POMP: variants seen among roughly 807,000 people sequenced by gnomAD.
The protein encoded by POMP is 2510048O06Rik.
In POMP, 12 loss-of-function variants were observed where a neutral mutation model predicts 20.6. That is an observed-to-expected ratio of 0.58 (90% CI 0.37 to 0.94). The LOEUF is 0.94. POMP is among the 40% of genes least tolerant of loss of function. POMP has a pLI of 0.01. For synonymous variants in POMP, 53 were observed against 55.0 expected, an observed-to-expected ratio of 0.96 and a Z score of 0.16; for missense variants, 136 against 161.1, an observed-to-expected ratio of 0.84 and a Z score of 0.84.
chr13:28,659,844 T>A (rs1884303099), intron 1 of POMP: 2 of 152,666 alleles, frequency 1.3e-5, no homozygotes, highest in Admixed American at 1.3e-4. Flanking sequence ...AGAAGAACAC[T>A]GAGTCACCAT....
At chr13:28,664,601 TTCTA>T in intron 3 of POMP, 32 bp downstream of exon 3, 10 of 1,223,090 alleles carry the variant, frequency 8.2e-6, no homozygotes, top group Non-Finnish European at 1.1e-5. Flanking sequence ...TATTTTTATC[TTCTA>T]ATAGATAAAT....
rs781185122 is a variant in POMP at position 28,668,537 on chromosome 13, C to T, written c.227C>T (p.Pro76Leu). The T allele has an allele frequency of 2.2e-5, 35 of 1,612,588 alleles. No homozygotes were observed. Among genetic ancestry groups the T allele is most frequent in the Non-Finnish European group, 2.5e-5 (29 of 1,178,842 alleles). ...AGAAACATTCAGGGTCTATTTGCTC[C>T]GCTAAAATTACAGATGGAATTCAAG... ...TLRNIQGLFAPLKLQMEFKAV... is the reference protein window; with the variant it reads ...TLRNIQGLFALLKLQMEFKAV... The change falls in exon 4 of 6, where the codon CCG (proline) becomes CTG (leucine). Residue 76 changes from proline (P) to leucine (L), a missense_variant. Coordinates refer to ENST00000380842, the MANE Select transcript of POMP (RefSeq NM_015932.6).
At chr13:28,661,135 A>G (rs976605848) in intron 1 of POMP, among the ~76,000 whole-genome samples, 44 of 152,290 alleles carry the variant, frequency 2.9e-4, no homozygotes, top group African/African-American at 1.0e-3. Context: ...GCAGAATCAC[A>G]GGGATATTGG....
At chr13:28,677,300 G>C (rs1566111600) in intron 5 of POMP, among the ~76,000 whole-genome samples, 1 of 151,748 alleles carries the variant, frequency 6.6e-6, no homozygotes, top group African/African-American at 2.4e-5. Flanking sequence ...CATCCACATT[G>C]TACTGAACTG....
Position 28,659,160 on chromosome 13 carries a change from G to A in POMP, c.-25G>A, listed in dbSNP as rs1884285255. 1.3e-6 allele frequency: 2 copies of A among 1,582,494 alleles called. No homozygotes were observed. The highest frequency in any genetic ancestry group is 1.7e-6 in the Non-Finnish European group (2 of 1,165,148). Reference sequence around the variant, plus strand: ...GGTCGACTGACGGTAACGGGGCAGAGAGGCTGTTCGCAGAGCTGCGGAAGA... The same window carrying A: ...GGTCGACTGACGGTAACGGGGCAGAAAGGCTGTTCGCAGAGCTGCGGAAGA... On this transcript the variant is annotated 5_prime_UTR_variant, in exon 1 of 6. Coordinates refer to ENST00000380842, the MANE Select transcript of POMP (RefSeq NM_015932.6).
chr13:28,677,653 C>T (rs1055008416), intron 5 of POMP, among the ~76,000 whole-genome samples: 3 of 152,050 alleles, frequency 2.0e-5, no homozygotes, highest in Admixed American at 6.5e-5. Context: ...GATTGTTTCC[C>T]GTCCTGTGGG....
At chr13:28,676,403 A>G (rs1162068168) in intron 5 of POMP, among the ~76,000 whole-genome samples, 1 of 152,178 alleles carries the variant, frequency 6.6e-6, no homozygotes, top group Middle Eastern at 3.2e-3. Flanking sequence ...CCTGCCTTAT[A>G]TTAATTCTTT....
intron 1 of POMP, among the ~76,000 whole-genome samples, chr13:28,662,110 T>G (rs935919839): frequency 2.0e-5 from 3 of 152,224 alleles, no homozygotes; most frequent in African/African-American, 7.2e-5. Context: ...TACCTGAAGC[T>G]TGTTCATTTA....
rs187932203 is a variant in POMP, at chr13:28,672,626, C to G, written c.358+194C>G. Among the ~76,000 whole-genome samples, 378 of 152,110 alleles carry G rather than the reference C, an allele frequency of 2.5e-3. 3 individuals are homozygous for G. The highest frequency in any genetic ancestry group is 8.6e-3 in the African/African-American group (358 of 41,496). On this transcript the variant is annotated intron_variant, in intron 5 of 5. Transcript: ENST00000380842. ...TTTAAAAGTGAAGATTGGCTGGGTGCGGTGGCTCACGTGTAATCCCAGCAC... is the reference window on the plus strand; with the variant it reads ...TTTAAAAGTGAAGATTGGCTGGGTGGGGTGGCTCACGTGTAATCCCAGCAC...
intron 2 of POMP, 145 bp from the exon 3 acceptor site, chr13:28,664,364 G>T: frequency 1.8e-6 from 1 of 567,152 alleles, no homozygotes; most frequent in Non-Finnish European, 3.2e-6. Flanking sequence ...CAATTCCTAT[G>T]ACTGTCACCA....
At position 28,662,328 on chromosome 13, in the gene POMP, TAAAC is replaced by T. The variant is rs1884357290; in HGVS notation, c.4-79_4-76del. The T allele has an allele frequency of 3.9e-5, 41 of 1,049,010 alleles. No individual in the cohort carries two copies. The South Asian group carries it at 5.5e-4, about 14-fold the overall frequency. The allele number at this position is 1,049,010 out of a possible 1,614,324, so 65.0% of individuals were successfully genotyped here. A position where few individuals can be genotyped will look rare whatever the true frequency, so the allele number is the denominator to read the frequency against. ...GCCTCTTATTTTTCTGTCTCCTACT[TAAAC>T]AATATTTTTGACACAGCTGCCTGGG... On this transcript the variant is annotated intron_variant, in intron 1 of 5. Coordinates refer to ENST00000380842, the MANE Select transcript of POMP (RefSeq NM_015932.6).
At chr13:28,673,961 G>A (rs76258399) in intron 5 of POMP, among the ~76,000 whole-genome samples, 2,503 of 152,282 alleles carry the variant, frequency 0.016, 70 homozygotes, top group African/African-American at 0.058. Flanking sequence ...GGAATAAAAA[G>A]GATGTTTTTG....
At chr13:28,660,174 A>T (rs1347662742) in intron 1 of POMP, among the ~76,000 whole-genome samples, 1 of 152,240 alleles carries the variant, frequency 6.6e-6, no homozygotes, top group African/African-American at 2.4e-5. Context: ...GAATGTTCAT[A>T]TAGGGAAGTA....
chr13:28,674,486 C>G lies in POMP; in HGVS notation c.358+2054C>G, dbSNP rs1193372492. Reference sequence around the variant, plus strand: ...ACAAAGGCAGTTTAGTGTCTCTGCTCCCAGCTTGCAGAATGGAGAGACCAA... The same window carrying G: ...ACAAAGGCAGTTTAGTGTCTCTGCTGCCAGCTTGCAGAATGGAGAGACCAA... On this transcript the variant is annotated intron_variant, in intron 5 of 5. Transcript: ENST00000380842. Among the ~76,000 whole-genome samples, 4 of 152,146 alleles carry G rather than the reference C, an allele frequency of 2.6e-5. No individual in the cohort carries two copies. The East Asian group carries it at 5.8e-4, about 22-fold the overall frequency.
chr13:28,675,128 C>T (rs758857675), intron 5 of POMP, among the ~76,000 whole-genome samples: 5 of 150,830 alleles, frequency 3.3e-5, no homozygotes, highest in Non-Finnish European at 7.4e-5. Context: ...TAGGAAAAAT[C>T]ACCTGTTTAG....
intron 4 of POMP, 40 bp downstream of exon 4, chr13:28,668,614 T>C: frequency 7.0e-7 from 1 of 1,425,228 alleles, no homozygotes; most frequent in Non-Finnish European, 9.9e-7. Flanking sequence ...GTCGATATCA[T>C]TCATGAGGAA....
Position 28,659,190 on chromosome 13 carries a change from G to C in POMP, c.3+3G>C, listed in dbSNP as rs1360583229. 3.1e-6 allele frequency: 5 copies of C among 1,590,412 alleles called. No homozygotes were observed. Among genetic ancestry groups the C allele is most frequent in the African/African-American group, 2.7e-5 (2 of 74,302 alleles). Reference sequence around the variant, plus strand: ...TGTTCGCAGAGCTGCGGAAGATGGTGAGTGGGTACCCGGGCGGCTGGAGTT... The same window carrying C: ...TGTTCGCAGAGCTGCGGAAGATGGTCAGTGGGTACCCGGGCGGCTGGAGTT... On this transcript the variant is annotated splice_donor_region_variant and intron_variant, in intron 1 of 5. Coordinates refer to ENST00000380842, the MANE Select transcript of POMP (RefSeq NM_015932.6).
intron 5 of POMP, among the ~76,000 whole-genome samples, chr13:28,677,687 T>G (rs543577041): frequency 1.3e-5 from 2 of 152,328 alleles, no homozygotes; most frequent in African/African-American, 2.4e-5. Context: ...ACTTAAGAAC[T>G]TTGAAAAAAA....
At chr13:28,674,329 A>AT (rs1430081157) in intron 5 of POMP, among the ~76,000 whole-genome samples, 1 of 152,166 alleles carries the variant, frequency 6.6e-6, no homozygotes, top group Admixed American at 6.5e-5. Flanking sequence ...AGCCTTGTAC[A>AT]TTGAGTGTGT....
Sources: gnomAD v4.1 joint callset for allele counts (sites outside exome capture counted in the v4.1 genomes callset) on GRCh38, gnomAD v4.1.1 for gene constraint, MANE v1.5 for transcripts, NCBI Gene and HGNC (gene_info 2026-07-23, HGNC 2026-07-21) for gene names.